Variants in AHCTF1 observed in about 807,000 individuals in gnomAD.
AHCTF1 encodes the protein protein ELYS.
AHCTF1 carries 24 observed loss-of-function variants against 248.4 expected under a neutral mutation model. That is an observed-to-expected ratio of 0.10 (90% CI 0.07 to 0.14). AHCTF1 has a LOEUF of 0.14. Ranked by LOEUF, AHCTF1 falls within the 10% of genes least tolerant of loss-of-function variation. AHCTF1 has a pLI of 1.00. For synonymous variants in AHCTF1, 786 were observed against 929.8 expected (o/e 0.85, Z 2.81); for missense variants, 2,206 against 2,636.2 (o/e 0.84, Z 3.57).
At chr1:246,863,015 A>C in intron 27 of AHCTF1, among the ~76,000 whole-genome samples, 1 of 152,204 alleles carries the variant, frequency 6.6e-6, no homozygotes, top group East Asian at 1.9e-4. Flanking sequence ...GATCATAACA[A>C]TTCTTTTTTC....
intron 17 of AHCTF1, 27 bp downstream of exon 17, chr1:246,889,939 G>GT: frequency 6.5e-7 from 1 of 1,549,242 alleles, no homozygotes; most frequent in South Asian, 1.1e-5. Flanking sequence ...TCTTACAGAT[G>GT]TAATTTCTAA....
intron 2 of AHCTF1, among the ~76,000 whole-genome samples, chr1:246,917,158 C>T (rs1666205576): frequency 1.3e-5 from 2 of 152,140 alleles, no homozygotes; most frequent in Non-Finnish European, 2.9e-5. Flanking sequence ...AGAGTAGCCG[C>T]ACTGGGTGGA....
chr1:246,913,801 G>A (rs1222554221), intron 3 of AHCTF1, among the ~76,000 whole-genome samples: 3 of 152,152 alleles, frequency 2.0e-5, no homozygotes, highest in Admixed American at 1.3e-4. Context: ...AAATCATTAC[G>A]CATAAAACGC....
intron 32 of AHCTF1, 64 bp downstream of exon 32, chr1:246,853,027 G>T: frequency 8.0e-7 from 1 of 1,249,320 alleles, no homozygotes; most frequent in Non-Finnish European, 1.1e-6. Flanking sequence ...GAACTACTGT[G>T]TCTTGAAACA....
intron 14 of AHCTF1, 110 bp from the exon 15 acceptor site, chr1:246,892,029 A>T (rs1168375046): frequency 2.5e-6 from 3 of 1,196,008 alleles, no homozygotes; most frequent in Non-Finnish European, 3.5e-6. Context: ...TATTCTATTC[A>T]TTATGAGATT....
At chr1:246,843,079 G>A (rs1005882612) in intron 34 of AHCTF1, among the ~76,000 whole-genome samples, 1 of 140,510 alleles carries the variant, frequency 7.1e-6, no homozygotes, top group Non-Finnish European at 1.5e-5. Flanking sequence ...CACTTTCTAA[G>A]AAGTAGACAA....
intron 21 of AHCTF1, among the ~76,000 whole-genome samples, chr1:246,884,479 T>G (rs1663672596): frequency 6.6e-6 from 1 of 152,186 alleles, no homozygotes; most frequent in Non-Finnish European, 1.5e-5. Context: ...GTAAAATAAC[T>G]AATTTCTAAA....
chr1:246,902,615 T>C lies in AHCTF1; in HGVS notation c.1027A>G (p.Arg343Gly), dbSNP rs148243382. The change falls in exon 8 of 36, where the codon AGG becomes GGG. Residue 343 changes from arginine to glycine, a missense_variant. Coordinates refer to ENST00000648844, the MANE Select transcript of AHCTF1 (RefSeq NM_001323342.2). ...AATTTGGTATTACTCGTCTGTCCCC[T>C]CAAAGGGAACATGCCACCTGTCAGG... Reference protein sequence around the residue: ...LDLTGGMFPLRGQTSNTKLLG... With the variant: ...LDLTGGMFPLGGQTSNTKLLG... The C allele has an allele frequency of 1.2e-3, 1,977 of 1,613,078 alleles. 3 individuals carry two copies. The highest frequency in any genetic ancestry group is 1.5e-3 in the Non-Finnish European group (1,793 of 1,179,836).
chr1:246,874,181 A>G (rs1000542676), intron 24 of AHCTF1, among the ~76,000 whole-genome samples: 8 of 152,194 alleles, frequency 5.3e-5, no homozygotes, highest in Non-Finnish European at 8.8e-5. Flanking sequence ...AGTATATACA[A>G]GTAGACATGC....
intron 21 of AHCTF1, among the ~76,000 whole-genome samples, chr1:246,883,279 T>C (rs1464056123): frequency 1.3e-5 from 2 of 152,210 alleles, no homozygotes; most frequent in Admixed American, 1.3e-4. Context: ...GACTTTTAGT[T>C]CAAATTTCCC....
chr1:246,922,844 G>A (rs6696656), intron 1 of AHCTF1, among the ~76,000 whole-genome samples: 78,658 of 150,516 alleles, frequency 0.52, 23,548 homozygotes, highest in African/African-American at 0.84. Context: ...ATAGCCGGGC[G>A]TGGTGGCAGG....
intron 30 of AHCTF1, 65 bp from the exon 31 acceptor site, chr1:246,855,892 T>C: frequency 1.7e-6 from 2 of 1,162,970 alleles, no homozygotes; most frequent in Non-Finnish European, 2.5e-6. Flanking sequence ...CCTGCTTTAG[T>C]CCTACCACCT....
intron 21 of AHCTF1, among the ~76,000 whole-genome samples, chr1:246,884,679 A>G (rs1174686379): frequency 6.6e-6 from 1 of 152,180 alleles, no homozygotes; most frequent in East Asian, 1.9e-4. Context: ...AATAATCATT[A>G]TTATGTAAAT....
At chr1:246,917,530 C>A (rs1294567962) in intron 2 of AHCTF1, among the ~76,000 whole-genome samples, 1 of 152,160 alleles carries the variant, frequency 6.6e-6, no homozygotes, top group African/African-American at 2.4e-5. Flanking sequence ...CTCAGTTACA[C>A]AGAATAGTGG....
At chr1:246,854,775 T>A (rs1278422554) in intron 31 of AHCTF1, among the ~76,000 whole-genome samples, 2 of 152,168 alleles carry the variant, frequency 1.3e-5, no homozygotes. Flanking sequence ...ACACAGCCCT[T>A]AAGTGCAGAA....
chr1:246,870,720 C>T (rs1662529013), intron 24 of AHCTF1, among the ~76,000 whole-genome samples: 1 of 103,286 alleles, frequency 9.7e-6, no homozygotes, highest in Admixed American at 9.9e-5. Flanking sequence ...GGGTATAAAA[C>T]CTCAAAAAAA....
At chr1:246,920,295 T>G (rs1465488686) in intron 1 of AHCTF1, among the ~76,000 whole-genome samples, 1 of 152,126 alleles carries the variant, frequency 6.6e-6, no homozygotes, top group Non-Finnish European at 1.5e-5. Flanking sequence ...AATATATTTG[T>G]GTAAATCAGC....
chr1:246,898,369 A>G, intron 11 of AHCTF1, 33 bp from the exon 12 acceptor site: 2 of 1,574,886 alleles, frequency 1.3e-6, no homozygotes, highest in Non-Finnish European at 8.6e-7. Flanking sequence ...GCATCAATCA[A>G]TGCTCAATTT....
intron 4 of AHCTF1, among the ~76,000 whole-genome samples, chr1:246,908,247 G>C (rs541716653): frequency 7.0e-6 from 1 of 143,286 alleles, no homozygotes; most frequent in South Asian, 2.2e-4. Context: ...CCAATGACAG[G>C]ACATTTTGGG....
Sources: gnomAD v4.1 joint callset for allele counts (sites outside exome capture counted in the v4.1 genomes callset) on GRCh38, gnomAD v4.1.1 for gene constraint, MANE v1.5 for transcripts, NCBI Gene and HGNC (gene_info 2026-07-23, HGNC 2026-07-21) for gene names.